The following ZNF131 variants were observed in gnomAD, a reference collection of about 807,000 sequenced individuals.
ZNF131 encodes the protein zinc finger protein 131.
ZNF131 carries 7 observed loss-of-function variants against 60.0 expected under a neutral mutation model. That is an observed-to-expected ratio of 0.12 (90% confidence interval 0.07 to 0.22). The LOEUF is 0.22. ZNF131 is among the 10% of genes least tolerant of loss of function. The pLI is 1.00. For missense variants in ZNF131, 493 were observed against 740.9 expected (o/e 0.67, Z 3.88); for synonymous variants, 257 against 253.2 (o/e 1.01, Z -0.14).
rs546587544 is a variant in ZNF131, at chr5:43,152,437, C to A, written c.372-8812C>A. Among the ~76,000 whole-genome samples the A allele has an allele frequency of 3.3e-5, 5 of 152,240 alleles. No individual in the cohort carries two copies. The South Asian group carries it at 6.2e-4, about 19-fold the overall frequency. On this transcript the variant is annotated intron_variant, in intron 4 of 6. Transcript: ENST00000682664. ...TGCCTGCGACACACAGGAGTCATCC[C>A]CAGCTGTTTTTAGAAGATATGTTGG...
intron 3 of ZNF131, among the ~76,000 whole-genome samples, chr5:43,127,683 C>T (rs1322108450): frequency 6.6e-6 from 1 of 152,218 alleles, no homozygotes; most frequent in Admixed American, 6.5e-5. Context: ...AAGTAAGTTA[C>T]CTTTGATGAA....
intron 3 of ZNF131, chr5:43,124,631 C>T (rs1032563659): frequency 1.3e-5 from 2 of 152,000 alleles, no homozygotes; most frequent in African/African-American, 4.8e-5. Flanking sequence ...GTTTCTACTA[C>T]AAAGCAAGCC....
chr5:43,139,867 A>C (rs1746579266), intron 4 of ZNF131, among the ~76,000 whole-genome samples: 1 of 152,178 alleles, frequency 6.6e-6, no homozygotes. Context: ...AGAACAAATC[A>C]ATTGCTGAGG....
rs113467771 is a variant in ZNF131, at chr5:43,146,543, C to T, written c.371+7234C>T. 9.7e-3 allele frequency among the ~76,000 whole-genome samples: 1,480 copies of T among 152,042 alleles called. 30 individuals are homozygous for T. The highest frequency in any genetic ancestry group is 0.034 in the African/African-American group (1,411 of 41,454). ...CTGGGAGGCAGAGCTTGCAGTGAGC[C>T]GAGATTGCGCCACTGCACTCCAGCC... On this transcript the variant is annotated intron_variant, in intron 4 of 6. Transcript: ENST00000682664.
chr5:43,141,751 G>T (rs574862656), intron 4 of ZNF131, among the ~76,000 whole-genome samples: 1 of 143,280 alleles, frequency 7.0e-6, no homozygotes, highest in South Asian at 2.3e-4. Flanking sequence ...GCCTGGGTGA[G>T]AATGAGACCC....
chr5:43,162,777 C>G (rs1749867372), intron 5 of ZNF131, among the ~76,000 whole-genome samples: 1 of 149,148 alleles, frequency 6.7e-6, no homozygotes, highest in South Asian at 2.1e-4. Context: ...TGGTGGCAGG[C>G]ACCTGTAATC....
chr5:43,138,925 A>T (rs1746468186), intron 3 of ZNF131, among the ~76,000 whole-genome samples: 1 of 152,204 alleles, frequency 6.6e-6, no homozygotes, highest in Admixed American at 6.5e-5. Flanking sequence ...TATTTGAGTG[A>T]TAGAATCTTA....
chr5:43,148,810 A>G (rs1747939885), intron 4 of ZNF131, among the ~76,000 whole-genome samples: 1 of 152,202 alleles, frequency 6.6e-6, no homozygotes, highest in Admixed American at 6.5e-5. Flanking sequence ...TTTAACATGC[A>G]TGTATATTCT....
intron 3 of ZNF131, 110 bp downstream of exon 3, chr5:43,123,420 A>G (rs907139838): frequency 6.8e-6 from 6 of 881,530 alleles, no homozygotes; most frequent in Non-Finnish European, 1.0e-5. Flanking sequence ...AGTTTTAGAC[A>G]GTTTATCAAG....
Position 43,136,476 on chromosome 5 carries a change from CTTTTTTTTTTTTTTT to C in ZNF131, c.227-2673_227-2659del, listed in dbSNP as rs70991484. ...AAAGAACAAAGCTAGAGGCATCATA[CTTTTTTTTTTTTTTT>C]TTTTTTTTTTTTTTTGAGGTAGTCT... On this transcript the variant is annotated intron_variant, in intron 3 of 6. Coordinates refer to ENST00000682664, the MANE Select transcript of ZNF131 (RefSeq NM_001330707.2). Among the ~76,000 whole-genome samples, 270 of 70,074 alleles carry C rather than the reference CTTTTTTTTTTTTTTT, an allele frequency of 3.9e-3. 1 individual carries two copies. The highest frequency in any genetic ancestry group is 0.014 in the African/African-American group (252 of 18,318). The allele number at this position is 70,074 out of a possible 152,430, so 46.0% of individuals were successfully genotyped here. A position where few individuals can be genotyped will look rare whatever the true frequency, so the allele number is the denominator to read the frequency against.
intron 3 of ZNF131, among the ~76,000 whole-genome samples, chr5:43,129,070 A>G (rs1055705844): frequency 1.3e-5 from 2 of 152,070 alleles, no homozygotes; most frequent in Non-Finnish European, 2.9e-5. Context: ...AGTAGCTGGA[A>G]TTAAGGCTCC....
intron 4 of ZNF131, 97 bp from the exon 5 acceptor site, chr5:43,161,150 CTG>C (rs780438455): frequency 7.3e-6 from 8 of 1,088,516 alleles, no homozygotes; most frequent in South Asian, 1.6e-5. Flanking sequence ...TGTTTTATAA[CTG>C]TTTATATAAA....
chr5:43,165,513 A>C (rs760557113), intron 5 of ZNF131, among the ~76,000 whole-genome samples: 9 of 152,224 alleles, frequency 5.9e-5, no homozygotes, highest in Non-Finnish European at 1.3e-4. Flanking sequence ...TTGGGTGACC[A>C]GCTGCATTGT....
intron 4 of ZNF131, among the ~76,000 whole-genome samples, chr5:43,152,385 T>C (rs1748431553): frequency 6.6e-6 from 1 of 152,052 alleles, no homozygotes; most frequent in Non-Finnish European, 1.5e-5. Context: ...ATCTCAGCTA[T>C]GAGAATGGTA....
chr5:43,149,888 G>A lies in ZNF131; in HGVS notation c.371+10579G>A, dbSNP rs552063325. On this transcript the variant is annotated intron_variant, in intron 4 of 6. Coordinates refer to ENST00000682664, the MANE Select transcript of ZNF131 (RefSeq NM_001330707.2). Reference sequence around the variant, plus strand: ...TTTAAAATGGGATTATTGTCAAGAAGGGGGCAGCATTGTGGGGGTCTGAGA... The same window carrying A: ...TTTAAAATGGGATTATTGTCAAGAAAGGGGCAGCATTGTGGGGGTCTGAGA... 1.3e-4 allele frequency among the ~76,000 whole-genome samples: 20 copies of A among 152,210 alleles called. No homozygotes were observed. The South Asian group carries it at 4.0e-3, about 30-fold the overall frequency.
intron 1 of ZNF131, chr5:43,121,668 G>A (rs1743837211): frequency 6.4e-6 from 1 of 157,262 alleles, no homozygotes. Context: ...CCGGGTCCCG[G>A]GGCGGTGGGA....
chr5:43,151,066 G>A (rs1488955769), intron 4 of ZNF131, among the ~76,000 whole-genome samples: 3 of 152,156 alleles, frequency 2.0e-5, no homozygotes, highest in South Asian at 2.1e-4. Context: ...CAATTATACA[G>A]GCTCCACATT....
At chr5:43,144,961 G>C (rs980538329) in intron 4 of ZNF131, among the ~76,000 whole-genome samples, 6 of 151,536 alleles carry the variant, frequency 4.0e-5, no homozygotes, top group Non-Finnish European at 5.9e-5. Flanking sequence ...GATTGACTTA[G>C]GCACTTCTAT....
chr5:43,127,189 C>T (rs182974211), intron 3 of ZNF131, among the ~76,000 whole-genome samples: 2 of 152,198 alleles, frequency 1.3e-5, no homozygotes, highest in Admixed American at 6.5e-5. Context: ...GGACCCCGTC[C>T]CCCACTCGTA....
Sources: allele counts gnomAD v4.1 joint callset (sites outside exome capture counted in the v4.1 genomes callset), GRCh38; gene constraint gnomAD v4.1.1; transcripts MANE v1.5; gene names NCBI Gene and HGNC (gene_info 2026-07-23, HGNC 2026-07-21).